The following CYTH1 variants were observed in gnomAD, a reference collection of about 807,000 sequenced individuals.
CYTH1 encodes the protein cytohesin-1.
CYTH1 carries 18 observed loss-of-function variants against 61.8 expected under a neutral mutation model. The observed-to-expected ratio is 0.29, with a 90% CI of 0.20 to 0.43. The LOEUF is 0.43. Among genes scored for constraint, CYTH1 ranks in the 20% least tolerant of loss-of-function variants. The pLI, the probability that CYTH1 is intolerant of heterozygous loss-of-function variation, is 1.00. For missense variants in CYTH1, 336 were observed against 510.5 expected, an observed-to-expected ratio of 0.66 and a Z score of 3.29; for synonymous variants, 174 against 184.3, an observed-to-expected ratio of 0.94 and a Z score of 0.45.
rs9901961 is a variant in CYTH1, at chr17:78,769,889, T to C, written c.22+12313A>G. 8.0e-3 allele frequency among the ~76,000 whole-genome samples: 1,221 copies of C among 151,914 alleles called. 17 individuals are homozygous for C. The highest frequency in any genetic ancestry group is 0.028 in the African/African-American group (1,150 of 41,408). On this transcript the variant is annotated intron_variant, in intron 1 of 13. Transcript: ENST00000446868. The stretch of plus-strand genomic sequence containing the variant: ...AAAATTGGCCAGGCACAGTGGCTCA[T>C]GCCTGTAATCCCAGCACTTTGGGAG...
At chr17:78,749,028 G>C (rs1390863322) in intron 1 of CYTH1, among the ~76,000 whole-genome samples, 2 of 152,306 alleles carry the variant, frequency 1.3e-5, no homozygotes, top group South Asian at 2.1e-4. Flanking sequence ...CCCACATACT[G>C]TGTGAGGCAG....
chr17:78,756,400 C>T (rs2093401512), intron 1 of CYTH1, among the ~76,000 whole-genome samples: 1 of 152,018 alleles, frequency 6.6e-6, no homozygotes, highest in Non-Finnish European at 1.5e-5. Context: ...AAATGGATAC[C>T]ATTTATTCCA....
intron 11 of CYTH1, 154 bp from the exon 12 acceptor site, chr17:78,681,196 G>C (rs537280355): frequency 3.0e-6 from 2 of 677,938 alleles, no homozygotes; most frequent in African/African-American, 3.6e-5. Context: ...TTCTAAACAA[G>C]AATAACACCA....
chr17:78,682,092 T>G (rs2092770303), intron 11 of CYTH1, among the ~76,000 whole-genome samples: 1 of 148,596 alleles, frequency 6.7e-6, no homozygotes, highest in Non-Finnish European at 1.5e-5. Context: ...CCCGTCCTCC[T>G]AAAATAACTA....
At chr17:78,691,129 A>G (rs946111573) in intron 11 of CYTH1, 1 of 152,246 alleles carries the variant, frequency 6.6e-6, no homozygotes, top group Non-Finnish European at 1.5e-5. Context: ...GACTATAACA[A>G]CAGAAAAGCA....
At chr17:78,679,742 G>A (rs1234718843) in intron 13 of CYTH1, among the ~76,000 whole-genome samples, 2 of 152,212 alleles carry the variant, frequency 1.3e-5, no homozygotes, top group Non-Finnish European at 2.9e-5. Flanking sequence ...CACGGTATGT[G>A]ACTTCCAGCA....
At chr17:78,735,893 AAC>A (rs2093318073) in intron 1 of CYTH1, among the ~76,000 whole-genome samples, 1 of 152,146 alleles carries the variant, frequency 6.6e-6, no homozygotes, top group Admixed American at 6.5e-5. Context: ...CACATCCACA[AAC>A]ACAACTCCTG....
intron 1 of CYTH1, among the ~76,000 whole-genome samples, chr17:78,758,837 C>T (rs963146910): frequency 6.6e-6 from 1 of 152,190 alleles, no homozygotes; most frequent in Admixed American, 6.5e-5. Flanking sequence ...CATGTCACCC[C>T]ACGAGACTTG....
Position 78,698,986 on chromosome 17 carries a change from G to C in CYTH1, c.551-18C>G, listed in dbSNP as rs766238099. On this transcript the variant is annotated intron_variant, in intron 7 of 13. Transcript: ENST00000446868. The stretch of plus-strand genomic sequence containing the variant: ...ACAAGTATCTAAAGATGAGAGAAAA[G>C]CAAAGGGGAGCCGTTGCATGCTCAG... 7.5e-6 allele frequency: 12 copies of C among 1,607,222 alleles called. No individual in the cohort carries two copies. The highest frequency in any genetic ancestry group is 2.2e-5 in the East Asian group (1 of 44,462).
intron 1 of CYTH1, among the ~76,000 whole-genome samples, chr17:78,710,849 T>C (rs944228435): frequency 3.3e-5 from 5 of 152,124 alleles, no homozygotes; most frequent in African/African-American, 1.2e-4. Flanking sequence ...GGTCCTTCTA[T>C]CCTTCAGTGG....
Position 78,774,334 on chromosome 17 carries a change from C to A in CYTH1, c.22+7868G>T, listed in dbSNP as rs139358620. Among the ~76,000 whole-genome samples, 712 of 152,224 alleles carry A rather than the reference C, an allele frequency of 4.7e-3. 1 individual carries two copies. The highest frequency in any genetic ancestry group is 0.016 in the African/African-American group (684 of 41,538). On this transcript the variant is annotated intron_variant, in intron 1 of 13. Coordinates refer to ENST00000446868, the MANE Select transcript of CYTH1 (RefSeq NM_004762.6). ...GGTGTTCACTGTAAATAATTGTGTT[C>A]TTTTCAATAAAGGCAAATCAGTAAG... is the stretch of plus-strand genomic sequence containing the variant.
At chr17:78,738,363 C>G (rs2093329365) in intron 1 of CYTH1, among the ~76,000 whole-genome samples, 1 of 152,200 alleles carries the variant, frequency 6.6e-6, no homozygotes, top group Non-Finnish European at 1.5e-5. Flanking sequence ...CCATCCTCCG[C>G]ACCCTGCTCT....
intron 1 of CYTH1, among the ~76,000 whole-genome samples, chr17:78,756,945 T>A (rs1161399289): frequency 2.0e-5 from 3 of 151,212 alleles, no homozygotes; most frequent in Non-Finnish European, 4.4e-5. Flanking sequence ...CTAAGATTAT[T>A]CACAAGGCGG....
intron 1 of CYTH1, among the ~76,000 whole-genome samples, chr17:78,725,243 C>T (rs1297997540): frequency 6.6e-6 from 1 of 152,162 alleles, no homozygotes; most frequent in Non-Finnish European, 1.5e-5. Flanking sequence ...ATTCCTCCAG[C>T]CATGCTCCCT....
At chr17:78,728,959 T>C (rs771246696) in intron 1 of CYTH1, among the ~76,000 whole-genome samples, 58 of 152,232 alleles carry the variant, frequency 3.8e-4, no homozygotes, top group Non-Finnish European at 7.1e-4. Flanking sequence ...TGAATTAGTA[T>C]AGTCATAATA....
chr17:78,712,184 GGA>G (rs764102716), intron 1 of CYTH1, among the ~76,000 whole-genome samples: 4 of 146,458 alleles, frequency 2.7e-5, no homozygotes, highest in African/African-American at 7.5e-5. Flanking sequence ...GAGGGAGGTA[GGA>G]GAGAGAGAAA....
At chr17:78,765,445 C>T (rs752752540) in intron 1 of CYTH1, among the ~76,000 whole-genome samples, 11 of 152,088 alleles carry the variant, frequency 7.2e-5, no homozygotes, top group Non-Finnish European at 1.2e-4. Context: ...ACAGAGAAAT[C>T]GCAGAAGTCT....
intron 1 of CYTH1, among the ~76,000 whole-genome samples, chr17:78,714,451 T>C (rs570025860): frequency 5.4e-4 from 82 of 152,230 alleles, no homozygotes; most frequent in South Asian, 1.0e-3. Flanking sequence ...TCTTCTAGAA[T>C]AAAAACTCCA....
chr17:78,762,195 G>A (rs953935672), intron 1 of CYTH1, among the ~76,000 whole-genome samples: 1 of 152,130 alleles, frequency 6.6e-6, no homozygotes, highest in Non-Finnish European at 1.5e-5. Flanking sequence ...CCTAAGAACA[G>A]AGAGCAACAA....
Sources: allele counts gnomAD v4.1 joint callset (sites outside exome capture counted in the v4.1 genomes callset), GRCh38; gene constraint gnomAD v4.1.1; transcripts MANE v1.5; gene names NCBI Gene and HGNC (gene_info 2026-07-23, HGNC 2026-07-21).